The following SNX29 variants were observed in gnomAD, a reference collection of about 807,000 sequenced individuals.
SNX29 encodes the protein sorting nexin 29.
In SNX29, 78 loss-of-function variants were observed where a neutral mutation model predicts 102.1. That is an observed-to-expected ratio of 0.76 (90% confidence interval 0.64 to 0.92). The LOEUF (loss-of-function observed/expected upper bound fraction) is 0.92, where lower values mean the gene tolerates loss of function less well. Ranked by LOEUF, SNX29 falls within the 40% of genes least tolerant of loss-of-function variation. SNX29 has a pLI of 0.00. For missense variants in SNX29, 1,280 were observed against 1,061.7 expected, an observed-to-expected ratio of 1.21 and a Z score of -2.86; for synonymous variants, 580 against 414.5, an observed-to-expected ratio of 1.40 and a Z score of -4.85.
At chr16:12,124,172 A>G (rs2054104218) in intron 11 of SNX29, among the ~76,000 whole-genome samples, 1 of 152,170 alleles carries the variant, frequency 6.6e-6, no homozygotes, top group East Asian at 1.9e-4. Flanking sequence ...CCTGGCCAAC[A>G]TGGTGAAACC....
chr16:12,427,334 T>G (rs113691901), intron 18 of SNX29, among the ~76,000 whole-genome samples: 1 of 152,160 alleles, frequency 6.6e-6, no homozygotes, highest in African/African-American at 2.4e-5. Context: ...TTTTTAAATG[T>G]TGGCAACCAA....
intron 3 of SNX29, among the ~76,000 whole-genome samples, chr16:12,011,354 C>T (rs2056648522): frequency 6.6e-6 from 1 of 151,808 alleles, no homozygotes; most frequent in South Asian, 2.1e-4. Flanking sequence ...TGGCTCACTG[C>T]AACCTCTGCC....
At position 12,116,497 on chromosome 16, in the gene SNX29, C is replaced by T. The variant is rs1311397336; in HGVS notation, c.1403-10136C>T. Among the ~76,000 whole-genome samples, 4 of 152,082 alleles carry T rather than the reference C, an allele frequency of 2.6e-5. No individual in the cohort carries two copies. In the South Asian group the frequency reaches 8.3e-4, roughly 32 times the overall value. ...AGACCAGCCTGGCCAACATGGTGAA[C>T]GTCATCTCTACTTAAAAAATACAAA... On this transcript the variant is annotated intron_variant, in intron 11 of 20. Coordinates refer to ENST00000566228, the MANE Select transcript of SNX29 (RefSeq NM_032167.5).
intron 9 of SNX29, among the ~76,000 whole-genome samples, chr16:12,066,876 T>A (rs1458615432): frequency 6.6e-6 from 1 of 151,776 alleles, no homozygotes; most frequent in Non-Finnish European, 1.5e-5. Flanking sequence ...TCTCATTGAG[T>A]TTTACATGCG....
chr16:12,124,235 A>G (rs917923871), intron 11 of SNX29, among the ~76,000 whole-genome samples: 12 of 152,104 alleles, frequency 7.9e-5, no homozygotes, highest in Non-Finnish European at 1.6e-4. Flanking sequence ...AGGCGCCTGT[A>G]ATCTCAGGTA....
At chr16:12,536,493 A>C (rs1394758657) in intron 20 of SNX29, among the ~76,000 whole-genome samples, 1 of 152,198 alleles carries the variant, frequency 6.6e-6, no homozygotes, top group Non-Finnish European at 1.5e-5. Flanking sequence ...ATCCTGGATT[A>C]GAACCTTTAG....
chr16:12,085,164 C>T (rs1176548119), intron 11 of SNX29, among the ~76,000 whole-genome samples: 3 of 152,170 alleles, frequency 2.0e-5, no homozygotes, highest in Admixed American at 1.3e-4. Flanking sequence ...CCCGCATGGC[C>T]AGTGGCTTTG....
chr16:12,529,595 A>G (rs2141165348), intron 20 of SNX29, among the ~76,000 whole-genome samples: 1 of 152,300 alleles, frequency 6.6e-6, no homozygotes, highest in African/African-American at 2.4e-5. Flanking sequence ...AGGGGGCTGG[A>G]AGGTGGCAGA....
intron 15 of SNX29, among the ~76,000 whole-genome samples, chr16:12,293,972 A>T (rs1383870227): frequency 6.6e-6 from 1 of 152,186 alleles, no homozygotes; most frequent in Admixed American, 6.5e-5. Flanking sequence ...GAGGAAACTG[A>T]GGTGTGGTGT....
chr16:12,234,780 C>A (rs1043639026), intron 14 of SNX29, among the ~76,000 whole-genome samples: 1 of 152,138 alleles, frequency 6.6e-6, no homozygotes, highest in Non-Finnish European at 1.5e-5. Flanking sequence ...GTGTGTTTCC[C>A]CACCTGAAAT....
At chr16:12,101,848 C>T (rs776527667) in intron 11 of SNX29, among the ~76,000 whole-genome samples, 23 of 152,100 alleles carry the variant, frequency 1.5e-4, no homozygotes, top group South Asian at 2.1e-4. Context: ...ACTTGTGCCA[C>T]GGTTTTTTGC....
intron 16 of SNX29, among the ~76,000 whole-genome samples, chr16:12,362,594 C>T (rs1567479882): frequency 1.6e-5 from 2 of 125,150 alleles, no homozygotes; most frequent in East Asian, 2.8e-4. Context: ...CCTCATGCTC[C>T]CCCAGGGTGC....
chr16:12,100,728 G>A (rs893470365), intron 11 of SNX29, among the ~76,000 whole-genome samples: 9 of 135,944 alleles, frequency 6.6e-5, no homozygotes, highest in African/African-American at 2.5e-4. Context: ...AGGCAGAGAA[G>A]TTGGGGATGG....
At chr16:12,168,481 C>G (rs1237724583) in intron 13 of SNX29, among the ~76,000 whole-genome samples, 1 of 152,192 alleles carries the variant, frequency 6.6e-6, no homozygotes, top group Non-Finnish European at 1.5e-5. Context: ...TGCTCCTATT[C>G]TAGGTTCCTC....
At chr16:12,528,988 A>C (rs1014978197) in intron 20 of SNX29, among the ~76,000 whole-genome samples, 1 of 152,216 alleles carries the variant, frequency 6.6e-6, no homozygotes, top group African/African-American at 2.4e-5. Flanking sequence ...ACACTCTTCC[A>C]TTTTTAAATT....
intron 13 of SNX29, among the ~76,000 whole-genome samples, chr16:12,190,926 G>A (rs2076626284): frequency 1.3e-5 from 2 of 152,198 alleles, no homozygotes; most frequent in African/African-American, 2.4e-5. Context: ...CAGTGCCAGA[G>A]GCGCTGGCTG....
At chr16:12,078,130 G>C (rs375942098) in intron 10 of SNX29, among the ~76,000 whole-genome samples, 3 of 152,020 alleles carry the variant, frequency 2.0e-5, no homozygotes, top group African/African-American at 7.2e-5. Flanking sequence ...AGGAACTGTC[G>C]GCAGTACCAC....
Position 12,488,986 on chromosome 16 carries a change from C to A in SNX29, c.2178+11127C>A, listed in dbSNP as rs549019697. On this transcript the variant is annotated intron_variant, in intron 19 of 20. Transcript: ENST00000566228. ...GCATTAAACGTTGGCCAAAGTATTT[C>A]TGGGGCTGTGAGTTTCCTTGTATAT... Among the ~76,000 whole-genome samples the A allele has an allele frequency of 3.9e-5, 6 of 152,302 alleles. No homozygotes were observed. The East Asian group carries it at 7.7e-4, about 20-fold the overall frequency.
intron 20 of SNX29, among the ~76,000 whole-genome samples, chr16:12,541,397 G>T (rs1034942144): frequency 6.6e-6 from 1 of 152,126 alleles, no homozygotes; most frequent in Admixed American, 6.5e-5. Flanking sequence ...CAGGCTCATT[G>T]TACAGATAAA....
Sources: gnomAD v4.1 joint callset for allele counts (sites outside exome capture counted in the v4.1 genomes callset) on GRCh38, gnomAD v4.1.1 for gene constraint, MANE v1.5 for transcripts, NCBI Gene and HGNC (gene_info 2026-07-23, HGNC 2026-07-21) for gene names.